The following HTATSF1 variants were observed in gnomAD, a reference collection of about 807,000 sequenced individuals.
The protein encoded by HTATSF1 is HIV-1 Tat specific factor 1.
Under a neutral mutation model 46.1 loss-of-function variants are expected in HTATSF1, and 6 were observed. The observed-to-expected ratio is 0.13, with a 90% CI of 0.07 to 0.26. The LOEUF is 0.26. Ranked by LOEUF, HTATSF1 falls within the 10% of genes least tolerant of loss-of-function variation. The pLI is 1.00. For missense variants in HTATSF1, 452 were observed against 559.9 expected (o/e 0.81, Z 1.94); for synonymous variants, 226 against 211.5 (o/e 1.07, Z -0.60).
chrX:136,502,571 G>A (rs951833999), intron 4 of HTATSF1, among the ~76,000 whole-genome samples: 5 of 111,131 alleles, frequency 4.5e-5, no homozygotes, highest in African/African-American at 9.8e-5. Context: ...TCACACAGCC[G>A]GTTAGGGACA....
chrX:136,503,629 G>A (rs1257720565), intron 5 of HTATSF1, among the ~76,000 whole-genome samples: 3 of 111,593 alleles, frequency 2.7e-5, no homozygotes, highest in Non-Finnish European at 3.8e-5. Flanking sequence ...ACAGAGTTGA[G>A]TAGTTTTATG....
chrX:136,509,082 A>AT lies in HTATSF1; in HGVS notation c.835-4dup. 8.5e-7 allele frequency: 1 copy of AT among 1,180,944 alleles called. No individual in the cohort carries two copies. Among genetic ancestry groups the AT allele is most frequent in the Non-Finnish European group, 1.2e-6 (1 of 868,244 alleles). ...GAGCAAACCCATTTTAATCATGCAT[A>AT]TTTTTCAGGATGATCCGTTGGTGCT... On this transcript the variant is annotated splice_polypyrimidine_tract_variant and intron_variant, in intron 6 of 8. Transcript: ENST00000218364.
intron 4 of HTATSF1, among the ~76,000 whole-genome samples, chrX:136,501,922 A>AT (rs1468993294): frequency 9.0e-6 from 1 of 111,701 alleles, no homozygotes; most frequent in Non-Finnish European, 1.9e-5. Flanking sequence ...GTTCTGTTAG[A>AT]TTTTTTAAAT....
In HTATSF1 at chrX:136,511,268, T is replaced by C; in HGVS notation, c.1523T>C (p.Leu508Pro). The part of the protein sequence containing the change: ...SPKKESKKKT[L>P]KNDCEENGLA... The stretch of plus-strand genomic sequence containing the variant: ...AAAAAAGAGTCTAAAAAGAAGACAC[T>C]CAAAAATGATTGTGAAGAGAATGGC... Residue 508 changes from leucine to proline, a missense_variant, in exon 9 of 9, where the codon CTC (leucine) becomes CCC (proline). Leu to Pro is a moderately conservative substitution (Grantham distance 98, BLOSUM62 -3). Coordinates refer to ENST00000218364, the MANE Select transcript of HTATSF1 (RefSeq NM_014500.5). The C allele has an allele frequency of 8.3e-7, 1 of 1,208,467 alleles. No individual in the cohort carries two copies. Among genetic ancestry groups the C allele is most frequent in the African/African-American group, 1.7e-5 (1 of 57,226 alleles).
chrX:136,501,263 A>G (rs1031166656), intron 4 of HTATSF1, among the ~76,000 whole-genome samples: 10 of 112,294 alleles, frequency 8.9e-5, no homozygotes, highest in South Asian at 3.7e-4. Flanking sequence ...GCATTTGTCT[A>G]TGGTTGCCTT....
chrX:136,506,228 T>C (rs1469251773), intron 6 of HTATSF1, among the ~76,000 whole-genome samples: 2 of 112,115 alleles, frequency 1.8e-5, no homozygotes, highest in East Asian at 2.8e-4. Context: ...CCTTGACCCC[T>C]ATACATTCCC....
chrX:136,504,203 C>G (rs1416160125), intron 5 of HTATSF1, among the ~76,000 whole-genome samples, 161 bp from the exon 6 acceptor site: 1 of 112,472 alleles, frequency 8.9e-6, no homozygotes, highest in Non-Finnish European at 1.9e-5. Context: ...AGAAAGTTTT[C>G]TGACTGGAAC....
At chrX:136,507,073 C>G (rs1049017724) in intron 6 of HTATSF1, among the ~76,000 whole-genome samples, 1 of 111,763 alleles carries the variant, frequency 8.9e-6, no homozygotes, top group Non-Finnish European at 1.9e-5. Context: ...AACAGGAAAA[C>G]CTGCTTTTAT....
intron 6 of HTATSF1, among the ~76,000 whole-genome samples, chrX:136,505,678 G>C (rs1479957437): frequency 9.0e-6 from 1 of 111,661 alleles, no homozygotes. Context: ...TGTAATCCCA[G>C]CTACTCAGGA....
At position 136,511,225 on chromosome X, in the gene HTATSF1, T is replaced by A; in HGVS notation, c.1480T>A (p.Ser494Thr). The change falls in exon 9 of 9, where the codon TCT (serine) becomes ACT (threonine). Residue 494 changes from serine to threonine, a missense_variant. Ser to Thr is a moderately conservative substitution (Grantham distance 58, BLOSUM62 1). Transcript: ENST00000218364. Reference protein sequence around the residue: ...ESEEGNPVRGSEEDSPKKESK... With the variant: ...ESEEGNPVRGTEEDSPKKESK... The stretch of plus-strand genomic sequence containing the variant: ...TGAAGAAGGCAATCCCGTAAGAGGA[T>A]CTGAAGAGGATAGTCCTAAAAAAGA... The A allele has an allele frequency of 8.3e-7, 1 of 1,208,610 alleles. No homozygotes were observed. The highest frequency in any genetic ancestry group is 1.1e-6 in the Non-Finnish European group (1 of 894,663).
At chrX:136,502,989 T>A in intron 5 of HTATSF1, 48 bp downstream of exon 5, 1 of 878,743 alleles carries the variant, frequency 1.1e-6, no homozygotes, top group Non-Finnish European at 1.5e-6. Context: ...TTCTAGAGTA[T>A]ATTTTTGGTA....
rs765494346 is a variant in HTATSF1 at position 136,511,883 on chromosome X, C to G, written c.2138C>G (p.Ser713Cys). 96 of 1,209,648 alleles carry G rather than the reference C, an allele frequency of 7.9e-5. No homozygotes were observed. Among genetic ancestry groups the G allele is most frequent in the Admixed American group, 4.6e-4 (21 of 45,755 alleles). The part of the protein sequence containing the change: ...NEKLFDEEED[S>C]SEKLFDDSDE... ...AAGTTGTTTGATGAGGAGGAAGATT[C>G]CAGTGAGAAGTTGTTTGACGATTCT... Residue 713 changes from serine (S) to cysteine (C), a missense_variant, in exon 9 of 9, where the codon TCC (serine) becomes TGC (cysteine). Transcript: ENST00000218364.
At chrX:136,500,103 G>T in intron 2 of HTATSF1, 55 bp from the exon 3 acceptor site, 1 of 782,221 alleles carries the variant, frequency 1.3e-6, no homozygotes, top group South Asian at 2.2e-5. Flanking sequence ...TCCATAATAT[G>T]ACTCTTATCT....
Position 136,504,447 on chromosome X carries a change from A to G in HTATSF1, c.818A>G (p.His273Arg). Residue 273 changes from histidine (H) to arginine (R), a missense_variant, in exon 6 of 9, where the codon CAT becomes CGT. Coordinates refer to ENST00000218364, the MANE Select transcript of HTATSF1 (RefSeq NM_014500.5). ...ERVVIIKNMF[H>R]PMDFEDDPLV... ...GTTGTCATCATCAAGAATATGTTTC[A>G]TCCTATGGATTTTGAGGTAGGAAGT... The G allele has an allele frequency of 8.3e-7, 1 of 1,202,902 alleles. No individual in the cohort carries two copies. The highest frequency in any genetic ancestry group is 1.1e-6 in the Non-Finnish European group (1 of 889,252).
At chrX:136,510,546 G>T (rs937596639) in intron 8 of HTATSF1, among the ~76,000 whole-genome samples, 2 of 112,157 alleles carry the variant, frequency 1.8e-5, no homozygotes, top group African/African-American at 6.5e-5. Context: ...GTAAAGTATA[G>T]ACAGAGCTCA....
intron 4 of HTATSF1, among the ~76,000 whole-genome samples, chrX:136,501,701 CAGTATTCCAGTGAGA>C (rs2075719095): frequency 6.3e-5 from 7 of 111,972 alleles, no homozygotes; most frequent in Admixed American, 5.6e-4. Flanking sequence ...TGTGAGTATA[CAGTATTCCAGTGAGA>C]TCAGAAGAGA....
At chrX:136,509,844 A>G (rs954802653) in intron 7 of HTATSF1, among the ~76,000 whole-genome samples, 4 of 112,142 alleles carry the variant, frequency 3.6e-5, no homozygotes, top group African/African-American at 1.3e-4. Context: ...TTAGACAGGG[A>G]TGTCAGCAGA....
Position 136,510,072 on chromosome X carries a change from A to G in HTATSF1, c.925-10A>G, listed in dbSNP as rs776548430. 1.7e-6 allele frequency: 2 copies of G among 1,180,326 alleles called. No homozygotes were observed. The highest frequency in any genetic ancestry group is 1.8e-5 in the African/African-American group (1 of 55,491). ...CATTCATTCCTTTTTTTTCTTTCTT[A>G]TCTTTCTAGAGGCACCCAGATGGTG... On this transcript the variant is annotated splice_polypyrimidine_tract_variant and intron_variant, in intron 7 of 8. Coordinates refer to ENST00000218364, the MANE Select transcript of HTATSF1 (RefSeq NM_014500.5).
At chrX:136,501,343 G>C (rs1205830796) in intron 4 of HTATSF1, among the ~76,000 whole-genome samples, 1 of 112,300 alleles carries the variant, frequency 8.9e-6, no homozygotes, top group Admixed American at 9.4e-5. Context: ...AAATATTTAC[G>C]AACTGGCCCT....
Sources: gnomAD v4.1 joint callset for allele counts (sites outside exome capture counted in the v4.1 genomes callset) on GRCh38, gnomAD v4.1.1 for gene constraint, MANE v1.5 for transcripts, NCBI Gene and HGNC (gene_info 2026-07-23, HGNC 2026-07-21) for gene names.